SBNO2: variants seen among roughly 807,000 people sequenced by gnomAD.
The protein encoded by SBNO2 is strawberry notch homolog 2.
SBNO2 carries 89 observed loss-of-function variants against 146.3 expected under a neutral mutation model. The ratio of observed to expected loss-of-function variants is 0.61; its 90% CI spans 0.51 to 0.73. The LOEUF is 0.73. Among genes scored for constraint, SBNO2 ranks in the 30% least tolerant of loss-of-function variants. SBNO2 has a pLI of 0.00. For missense variants in SBNO2, 2,092 were observed against 2,003.7 expected (o/e 1.04, Z -0.84); for synonymous variants, 1,147 against 892.6 (o/e 1.29, Z -5.08).
chr19:1,164,551 G>A (rs868606048), intron 1 of SBNO2, among the ~76,000 whole-genome samples: 6 of 107,342 alleles, frequency 5.6e-5, no homozygotes, highest in African/African-American at 1.3e-4. Flanking sequence ...GGAGGAGGAG[G>A]AACAGGTGCT....
rs946557741 is a variant in SBNO2 at position 1,144,138 on chromosome 19, G to A, written c.279+3171C>T. 4.0e-5 allele frequency among the ~76,000 whole-genome samples: 6 copies of A among 151,378 alleles called. No homozygotes were observed. ...CACAGGCCTGGGCTGACTCATACCC[G>A]TCCCGTCCCACACTTGGCACCGCGG... On this transcript the variant is annotated intron_variant, in intron 4 of 31. Coordinates refer to ENST00000361757, the MANE Select transcript of SBNO2 (RefSeq NM_014963.3). This position sits in a 1 kb window ranked among gnomAD's most constrained non-coding sequence, Gnocchi z 4.1.
At chr19:1,119,274 G>C (rs556325753) in intron 13 of SBNO2, 110 bp from the exon 14 acceptor site, 2 of 1,323,298 alleles carry the variant, frequency 1.5e-6, no homozygotes, top group Admixed American at 2.2e-5. Flanking sequence ...CAGGAGCAGA[G>C]CCCTGGCGGC....
chr19:1,110,012 T>TG lies in SBNO2; in HGVS notation c.3029-236dup, dbSNP rs1223383572. On this transcript the variant is annotated intron_variant, in intron 26 of 31. Coordinates refer to ENST00000361757, the MANE Select transcript of SBNO2 (RefSeq NM_014963.3). This position sits in a 1 kb window ranked among gnomAD's most constrained non-coding sequence, Gnocchi z 4.9. ...CAGGCTGTGGGGGATCGTGGGAGCCTGGGGGCCGCTCAGGTCCTATGTAAC... is the reference window on the plus strand; with the variant it reads ...CAGGCTGTGGGGGATCGTGGGAGCCTGGGGGGCCGCTCAGGTCCTATGTAAC... 1.3e-5 allele frequency among the ~76,000 whole-genome samples: 2 copies of TG among 151,526 alleles called. No individual in the cohort carries two copies. The highest frequency in any genetic ancestry group is 2.9e-5 in the Non-Finnish European group (2 of 67,848).
chr19:1,127,817 C>A, intron 4 of SBNO2, 52 bp from the exon 5 acceptor site: 3 of 1,565,474 alleles, frequency 1.9e-6, no homozygotes, highest in Non-Finnish European at 1.8e-6. Context: ...CACCAAGGCC[C>A]CTCCACGCAC....
Position 1,118,995 on chromosome 19 carries a change from G to T in SBNO2, c.1527+16C>A. 6.4e-7 allele frequency: 1 copy of T among 1,570,948 alleles called. No individual in the cohort carries two copies. Among genetic ancestry groups the T allele is most frequent in the East Asian group, 2.3e-5 (1 of 43,510 alleles). On this transcript the variant is annotated intron_variant, in intron 14 of 31. Transcript: ENST00000361757. Reference sequence around the variant, plus strand: ...GGAAACGCACAGGGGTCCCCGGGTCGGGTGCGCAGGCTCACCAGCAGGGCC... The same window carrying T: ...GGAAACGCACAGGGGTCCCCGGGTCTGGTGCGCAGGCTCACCAGCAGGGCC...
At chr19:1,149,589 G>C in intron 2 of SBNO2, 147 bp from the exon 3 acceptor site, 1 of 695,542 alleles carries the variant, frequency 1.4e-6, no homozygotes, top group East Asian at 2.7e-5. Flanking sequence ...ATCTCCTGGG[G>C]AGTCATTTAA....
intron 4 of SBNO2, 129 bp from the exon 5 acceptor site, chr19:1,127,894 C>A (rs533072682): frequency 2.5e-6 from 2 of 797,798 alleles, no homozygotes; most frequent in East Asian, 2.6e-5. Flanking sequence ...ATGGGAGACA[C>A]CACGGCCCTC....
intron 24 of SBNO2, 89 bp from the exon 25 acceptor site, chr19:1,111,182 C>T (rs2079754831): frequency 7.1e-7 from 1 of 1,407,174 alleles, no homozygotes; most frequent in Non-Finnish European, 9.5e-7. Flanking sequence ...CCAGCAGCTC[C>T]CTGGGGGGCT....
At position 1,150,458 on chromosome 19, in the gene SBNO2, G is replaced by C. The variant is rs1053855776; in HGVS notation, c.94-1016C>G. Among the ~76,000 whole-genome samples, 1 of 151,392 alleles carries C rather than the reference G, an allele frequency of 6.6e-6. No homozygotes were observed. The highest frequency in any genetic ancestry group is 1.5e-5 in the Non-Finnish European group (1 of 67,880). The stretch of plus-strand genomic sequence containing the variant: ...CCGTCACAGACGCCCCCACAGTCAC[G>C]GGGGAGACCCTGCCGTCACGGATGC... On this transcript the variant is annotated intron_variant, in intron 2 of 31. Transcript: ENST00000361757. This position sits in a 1 kb window ranked among gnomAD's most constrained non-coding sequence, Gnocchi z 6.2.
chr19:1,132,645 C>CCCCTGGGG (rs1448190133), intron 4 of SBNO2, among the ~76,000 whole-genome samples: 1 of 152,234 alleles, frequency 6.6e-6, no homozygotes, highest in African/African-American at 2.4e-5. Context: ...GCCAAGCGCA[C>CCCCTGGGG]CTCAGGCCCT....
Position 1,142,902 on chromosome 19 carries a change from G to C in SBNO2, c.279+4407C>G, listed in dbSNP as rs141653213. 1.0e-3 allele frequency among the ~76,000 whole-genome samples: 155 copies of C among 152,242 alleles called. 2 individuals are homozygous for C. Among genetic ancestry groups the C allele is most frequent in the African/African-American group, 3.5e-3 (147 of 41,536 alleles). ...GAATCGCTTGAACCCGCCAGGCAGA[G>C]GTTGCAGTTACCCAAGATGGCGCCA... On this transcript the variant is annotated intron_variant, in intron 4 of 31. Coordinates refer to ENST00000361757, the MANE Select transcript of SBNO2 (RefSeq NM_014963.3).
At position 1,173,472 on chromosome 19, in the gene SBNO2, G is replaced by C. The variant is rs1035579989; in HGVS notation, c.-127+700C>G. On this transcript the variant is annotated intron_variant, in intron 1 of 31. Transcript: ENST00000361757. The surrounding 1 kb of genome is among the most constrained non-coding windows in gnomAD (Gnocchi z 4.7). ...AGAAACCGAAAAACCATCTGCCCCA[G>C]AAGAGAAGTCGGAGGCCCCAGGAGC... Among the ~76,000 whole-genome samples, 13 of 152,200 alleles carry C rather than the reference G, an allele frequency of 8.5e-5. No individual in the cohort carries two copies. The highest frequency in any genetic ancestry group is 2.9e-4 in the African/African-American group (12 of 41,456).
At position 1,110,856 on chromosome 19, in the gene SBNO2, G is replaced by A; in HGVS notation, c.2917C>T (p.Leu973=). ...TTCTGCTTGTGCACCTCCAGCCCCA[G>A]GATGCGGTTCAGGAACTTGGTGATG... ...CSITKFLNRI[L]GLEVHKQNAL... The change falls in exon 26 of 32, where the codon CTG becomes TTG. Residue 973 remains leucine (L), a synonymous_variant. Coordinates refer to ENST00000361757, the MANE Select transcript of SBNO2 (RefSeq NM_014963.3). This position sits in a 1 kb window ranked among gnomAD's most constrained non-coding sequence, Gnocchi z 4.9. 6.2e-7 allele frequency: 1 copy of A among 1,613,750 alleles called. No homozygotes were observed. Among genetic ancestry groups the A allele is most frequent in the Non-Finnish European group, 8.5e-7 (1 of 1,179,770 alleles).
At chr19:1,145,678 G>C (rs57981388) in intron 4 of SBNO2, among the ~76,000 whole-genome samples, 20,842 of 151,920 alleles carry the variant, frequency 0.14, 2,287 homozygotes, top group African/African-American at 0.3. Context: ...CTGAAGGGTG[G>C]GGCACAGATG....
intron 17 of SBNO2, 154 bp downstream of exon 17, chr19:1,115,867 C>G: frequency 1.4e-6 from 1 of 697,804 alleles, no homozygotes; most frequent in Non-Finnish European, 2.6e-6. Flanking sequence ...AGACCTGCCA[C>G]TGGCAGCGGA....
At position 1,119,005 on chromosome 19, in the gene SBNO2, G is replaced by A. The variant is rs181029918; in HGVS notation, c.1527+6C>T. The A allele has an allele frequency of 1.3e-6, 2 of 1,579,786 alleles. No individual in the cohort carries two copies. Among genetic ancestry groups the A allele is most frequent in the Non-Finnish European group, 1.7e-6 (2 of 1,163,616 alleles). On this transcript the variant is annotated splice_donor_region_variant and intron_variant, in intron 14 of 31. Coordinates refer to ENST00000361757, the MANE Select transcript of SBNO2 (RefSeq NM_014963.3). ...AGGGGTCCCCGGGTCGGGTGCGCAG[G>A]CTCACCAGCAGGGCCGCGCGGTTGT...
In SBNO2 at chr19:1,112,353, C is replaced by T; in HGVS notation, c.2515+49G>A. 6.4e-7 allele frequency: 1 copy of T among 1,569,948 alleles called. No homozygotes were observed. Among genetic ancestry groups the T allele is most frequent in the Non-Finnish European group, 8.6e-7 (1 of 1,160,438 alleles). ...CGGCCAGGCGGGGGCGGGGCCGAGA[C>T]CATGTTGGGGGCGGGGCCAGGCAGC... On this transcript the variant is annotated intron_variant, in intron 21 of 31. Transcript: ENST00000361757. The surrounding 1 kb of genome is among the most constrained non-coding windows in gnomAD (Gnocchi z 5.9).
rs1245416188 is a variant in SBNO2, at chr19:1,115,965, CG to C, written c.1885+55del. The stretch of plus-strand genomic sequence containing the variant: ...AAGCAGGGAGCGACCAGCCAGCCCC[CG>C]GGGGGAGAAAGCAGAGGGGCAGGGG... On this transcript the variant is annotated intron_variant, in intron 17 of 31. Transcript: ENST00000361757. 10 of 920,180 alleles carry C rather than the reference CG, an allele frequency of 1.1e-5. No individual in the cohort carries two copies. In the East Asian group the frequency reaches 8.2e-4, roughly 76 times the overall value. The allele number at this position is 920,180 out of a possible 1,614,324, so 57.0% of individuals were successfully genotyped here.
At chr19:1,145,195 G>A (rs1037581040) in intron 4 of SBNO2, among the ~76,000 whole-genome samples, 9 of 151,746 alleles carry the variant, frequency 5.9e-5, no homozygotes, top group African/African-American at 1.5e-4. Flanking sequence ...GGCCGGGCAC[G>A]GTGGCTCACG....
Sources: allele counts gnomAD v4.1 joint callset (sites outside exome capture counted in the v4.1 genomes callset), GRCh38; gene constraint gnomAD v4.1.1; non-coding constraint Gnocchi (gnomAD v3.1); transcripts MANE v1.5; gene names NCBI Gene and HGNC (gene_info 2026-07-23, HGNC 2026-07-21).